The following CCDC7 variants were observed in gnomAD, a reference collection of about 807,000 sequenced individuals.
CCDC7 encodes coiled-coil domain-containing protein 7.
A neutral mutation model predicts 196.9 loss-of-function variants in CCDC7; 183 were observed. The ratio of observed to expected loss-of-function variants is 0.93; its 90% CI spans 0.82 to 1.05. The LOEUF is 1.05. Among genes scored for constraint, CCDC7 ranks in the 50% least tolerant of loss-of-function variants. CCDC7 has a pLI of 0.00. For synonymous variants in CCDC7, 525 were observed against 484.6 expected (o/e 1.08, Z -1.10); for missense variants, 1,540 against 1,482.2 (o/e 1.04, Z -0.64).
chr10:32,859,533 C>A (rs189168385), intron 41 of CCDC7, among the ~76,000 whole-genome samples: 19 of 151,970 alleles, frequency 1.3e-4, no homozygotes, highest in Non-Finnish European at 2.1e-4. Flanking sequence ...GCGAACAAAT[C>A]CAAAAGCTAG....
At chr10:32,446,028 G>A (rs1021815516), upstream of CCDC7, 3 of 152,218 alleles carry the variant, frequency 2.0e-5, no homozygotes, top group Non-Finnish European at 2.9e-5. Context: ...AATCCCCACA[G>A]CCGCCAAACT....
chr10:32,637,993 T>C (rs1214094546), intron 20 of CCDC7, among the ~76,000 whole-genome samples: 1 of 152,194 alleles, frequency 6.6e-6, no homozygotes, highest in Non-Finnish European at 1.5e-5. Context: ...TTTGAAGCAA[T>C]TGTGAATGGG....
At chr10:32,485,650 C>T (rs911684330) in intron 8 of CCDC7, among the ~76,000 whole-genome samples, 1 of 152,162 alleles carries the variant, frequency 6.6e-6, no homozygotes, top group African/African-American at 2.4e-5. Flanking sequence ...ATAAATTTCC[C>T]TCTACACACT....
chr10:32,515,773 C>T (rs1473872027), intron 9 of CCDC7, among the ~76,000 whole-genome samples: 1 of 151,936 alleles, frequency 6.6e-6, no homozygotes, highest in Non-Finnish European at 1.5e-5. Flanking sequence ...ATCTCCTGAC[C>T]TCGTGATCCG....
upstream of CCDC7, among the ~76,000 whole-genome samples, chr10:32,447,152 T>C (rs548524577): frequency 6.6e-6 from 1 of 152,266 alleles, no homozygotes; most frequent in Admixed American, 6.5e-5. Context: ...TGTTCCTACT[T>C]CCTCTCTTTT....
At chr10:32,645,131 A>T (rs2067529357) in intron 20 of CCDC7, among the ~76,000 whole-genome samples, 2 of 152,240 alleles carry the variant, frequency 1.3e-5, no homozygotes, top group South Asian at 4.1e-4. Context: ...AGAAATTCAA[A>T]TGAAAACCAT....
At chr10:32,603,289 T>C (rs1228778313) in intron 18 of CCDC7, among the ~76,000 whole-genome samples, 1 of 152,200 alleles carries the variant, frequency 6.6e-6, no homozygotes, top group Non-Finnish European at 1.5e-5. Flanking sequence ...ATTTTATTCT[T>C]TTTATGGCTG....
At chr10:32,545,432 C>T (rs2052267055) in intron 13 of CCDC7, among the ~76,000 whole-genome samples, 1 of 152,322 alleles carries the variant, frequency 6.6e-6, no homozygotes, top group Middle Eastern at 3.4e-3. Flanking sequence ...GTTTCCTTCA[C>T]TTGCCCTTTA....
intron 38 of CCDC7, 63 bp downstream of exon 39, chr10:32,847,979 T>A: frequency 3.0e-6 from 3 of 1,013,556 alleles, no homozygotes; most frequent in Non-Finnish European, 4.5e-6. Context: ...TAAGTATGAA[T>A]CTTTAATGAT....
chr10:32,574,959 G>A (rs142293472), intron 16 of CCDC7, among the ~76,000 whole-genome samples: 54 of 152,170 alleles, frequency 3.5e-4, no homozygotes, highest in Non-Finnish European at 5.9e-4. Flanking sequence ...ACCTTCATAT[G>A]TCCAGTTCTC....
At chr10:32,516,131 TAGA>T (rs1240794619) in intron 9 of CCDC7, among the ~76,000 whole-genome samples, 2 of 152,064 alleles carry the variant, frequency 1.3e-5, no homozygotes, top group East Asian at 3.9e-4. Context: ...CTAAAGTACT[TAGA>T]AGAATATATA....
In CCDC7 at chr10:32,463,935, G is replaced by A. The variant is rs78701803; in HGVS notation, c.510+886G>A. The stretch of plus-strand genomic sequence containing the variant: ...GTCATTATCCTTCCAGAGAAGTAGG[G>A]GTAGAGTGAAGTCTACTATTCCTCT... On this transcript the variant is annotated intron_variant, in intron 5 of 41. Transcript: ENST00000639629. 1.2e-4 allele frequency among the ~76,000 whole-genome samples: 18 copies of A among 152,162 alleles called. No homozygotes were observed. In the East Asian group the frequency reaches 3.3e-3, roughly 28 times the overall value.
chr10:32,786,803 C>A (rs1246845664), intron 29 of CCDC7, among the ~76,000 whole-genome samples: 1 of 151,794 alleles, frequency 6.6e-6, no homozygotes, highest in East Asian at 1.9e-4. Flanking sequence ...TATTAAATAT[C>A]CTCAAAGAGC....
intron 9 of CCDC7, among the ~76,000 whole-genome samples, chr10:32,500,628 C>T (rs557215651): frequency 6.6e-6 from 1 of 152,286 alleles, no homozygotes; most frequent in East Asian, 1.9e-4. Context: ...AGACGCTCCT[C>T]ACTTCCAAGA....
rs911835852 is a variant in CCDC7, at chr10:32,658,667, T to C, written c.2015-5387T>C. Among the ~76,000 whole-genome samples the C allele has an allele frequency of 5.9e-5, 9 of 152,154 alleles. No homozygotes were observed. The East Asian group carries it at 1.7e-3, about 29-fold the overall frequency. ...TGCTGTATATATACACAACGAAATA[T>C]TATGTGGCCTTAAATAAAGAAGTTC... On this transcript the variant is annotated intron_variant, in intron 20 of 41. Coordinates refer to ENST00000639629, the Ensembl canonical transcript of CCDC7.
intron 13 of CCDC7, among the ~76,000 whole-genome samples, chr10:32,554,371 C>T (rs1296933067): frequency 6.6e-6 from 1 of 152,212 alleles, no homozygotes; most frequent in East Asian, 1.9e-4. Context: ...CAAAGTTCAG[C>T]TAGAACTGCT....
chr10:32,828,461 A>AGAG (rs199758697), intron 32 of CCDC7, among the ~76,000 whole-genome samples: 2,199 of 69,956 alleles, frequency 0.031, 187 homozygotes, highest in Non-Finnish European at 0.036. Flanking sequence ...AAGAAGAAGA[A>AGAG]GAAGAGGAAG....
intron 21 of CCDC7, among the ~76,000 whole-genome samples, chr10:32,677,307 T>G (rs1379919067): frequency 6.6e-6 from 1 of 151,674 alleles, no homozygotes; most frequent in African/African-American, 2.4e-5. Flanking sequence ...ATGGCACATG[T>G]ATACATATGT....
chr10:32,506,189 G>A (rs60201622), intron 9 of CCDC7, among the ~76,000 whole-genome samples: 6,822 of 145,208 alleles, frequency 0.047, 580 homozygotes, highest in African/African-American at 0.17. Context: ...GGGGCAGCCA[G>A]GCAGAGGCAC....
Sources: gnomAD v4.1 joint callset for allele counts (sites outside exome capture counted in the v4.1 genomes callset) on GRCh38, gnomAD v4.1.1 for gene constraint, MANE v1.5 for transcripts, NCBI Gene and HGNC (gene_info 2026-07-23, HGNC 2026-07-21) for gene names.